The following DYNC1H1 variants were observed in gnomAD, a reference collection of about 807,000 sequenced individuals.
DYNC1H1 encodes the protein cytoplasmic dynein 1 heavy chain 1.
DYNC1H1 carries 51 observed loss-of-function variants against 527.1 expected under a neutral mutation model. The observed-to-expected ratio is 0.10, with a 90% CI of 0.08 to 0.12. DYNC1H1 has a LOEUF of 0.12. Among genes scored for constraint, DYNC1H1 ranks in the 10% least tolerant of loss-of-function variants. The pLI is 1.00. For synonymous variants in DYNC1H1, 2,189 were observed against 2,278.8 expected (o/e 0.96, Z 1.12); for missense variants, 2,771 against 5,971.8 (o/e 0.46, Z 17.66).
In DYNC1H1 at chr14:102,017,584, G is replaced by C. The variant is rs2048337955; in HGVS notation, c.8177+80G>C. The C allele has an allele frequency of 8.1e-6, 13 of 1,611,924 alleles. No homozygotes were observed. The highest frequency in any genetic ancestry group is 1.1e-5 in the Non-Finnish European group (13 of 1,178,348). Reference sequence around the variant, plus strand: ...TGTAAACACAGCGCCACAAAAACCTGGTTTTGATAATAAAGACAACAATAC... The same window carrying C: ...TGTAAACACAGCGCCACAAAAACCTCGTTTTGATAATAAAGACAACAATAC... On this transcript the variant is annotated intron_variant, in intron 40 of 77. Coordinates refer to ENST00000360184, the MANE Select transcript of DYNC1H1 (RefSeq NM_001376.5). The surrounding 1 kb of genome is among the most constrained non-coding windows in gnomAD (Gnocchi z 4.6).
chr14:102,013,938 A>G (rs1403382946), intron 34 of DYNC1H1, among the ~76,000 whole-genome samples: 1 of 152,164 alleles, frequency 6.6e-6, no homozygotes, highest in Non-Finnish European at 1.5e-5. Context: ...ATCAAGGATG[A>G]TGCGAGGTTT....
rs759852072 is a variant in DYNC1H1, at chr14:102,016,134, A to G, written c.7473+48A>G. ...ACAGAGCTCACCACTGCGCCAGACC[A>G]CAGGTCTGAGGACCTCTGAAATGCT... On this transcript the variant is annotated intron_variant, in intron 36 of 77. Coordinates refer to ENST00000360184, the MANE Select transcript of DYNC1H1 (RefSeq NM_001376.5). The surrounding 1 kb of genome is among the most constrained non-coding windows in gnomAD (Gnocchi z 7.3). The G allele has an allele frequency of 6.4e-7, 1 of 1,557,184 alleles. No homozygotes were observed. Among genetic ancestry groups the G allele is most frequent in the South Asian group, 1.2e-5 (1 of 85,830 alleles).
At chr14:102,034,217 T>C in intron 55 of DYNC1H1, 29 bp downstream of exon 55, 1 of 1,614,156 alleles carries the variant, frequency 6.2e-7, no homozygotes, top group Non-Finnish European at 8.5e-7. Flanking sequence ...TCAAAAAGGA[T>C]GTGCGAGCAG....
chr14:102,041,504 G>C lies in DYNC1H1; in HGVS notation c.11942-70G>C. 6.2e-7 allele frequency: 1 copy of C among 1,609,920 alleles called. No individual in the cohort carries two copies. Among genetic ancestry groups the C allele is most frequent in the Non-Finnish European group, 8.5e-7 (1 of 1,178,300 alleles). On this transcript the variant is annotated intron_variant, in intron 64 of 77. Transcript: ENST00000360184. The surrounding 1 kb of genome is among the most constrained non-coding windows in gnomAD (Gnocchi z 4.5). ...CTGAGTGGGTACTTTGGGAAGAACA[G>C]TCCAGGCAGGGGAGGGCGTCTCTGA...
chr14:101,988,624 C>T (rs995208028), intron 9 of DYNC1H1, 79 bp from the exon 10 acceptor site: 31 of 1,587,026 alleles, frequency 2.0e-5, no homozygotes, highest in Non-Finnish European at 2.4e-5. Context: ...ATCTGAAACA[C>T]CTACCACTTT....
rs912333787 is a variant in DYNC1H1 at position 102,029,104 on chromosome 14, C to T, written c.9469-435C>T. ...GCCATCTCCATTGCCCTTGGAATGT[C>T]GTCCAGCCCTGGCTTCCCCTGGTAG... is the stretch of plus-strand genomic sequence containing the variant. On this transcript the variant is annotated intron_variant, in intron 48 of 77. Coordinates refer to ENST00000360184, the MANE Select transcript of DYNC1H1 (RefSeq NM_001376.5). The surrounding 1 kb of genome is among the most constrained non-coding windows in gnomAD (Gnocchi z 5.3). 5 of 244,634 alleles carry T rather than the reference C, an allele frequency of 2.0e-5. No individual in the cohort carries two copies. Among genetic ancestry groups the T allele is most frequent in the African/African-American group, 9.1e-5 (4 of 44,058 alleles). The allele number at this position is 244,634 out of a possible 1,614,324, so 15.2% of individuals were successfully genotyped here. A position where few individuals can be genotyped will look rare whatever the true frequency, so the allele number is the denominator to read the frequency against.
chr14:102,040,254 A>G lies in DYNC1H1; in HGVS notation c.11709A>G (p.Ala3903=). ...KGTVGEPTYD[A]EFQHFLRGNE... ...TTCGCAGGGAGCCCACCTACGATGCAGAATTCCAGCACTTCTTGAGAGGAA... is the reference window on the plus strand; with the variant it reads ...TTCGCAGGGAGCCCACCTACGATGCGGAATTCCAGCACTTCTTGAGAGGAA... The change falls in exon 63 of 78, where the codon GCA becomes GCG. Residue 3903 remains alanine (A), a synonymous_variant. Transcript: ENST00000360184. 6.2e-7 allele frequency: 1 copy of G among 1,614,206 alleles called. No individual in the cohort carries two copies. The highest frequency in any genetic ancestry group is 1.1e-5 in the South Asian group (1 of 91,086).
rs940475874 is a variant in DYNC1H1 at position 102,016,217 on chromosome 14, A to G, written c.7473+131A>G. ...GAGGCAGAGCCTTCGTTGAGGGGCT[A>G]GGAAAGGTGCAGTGGGTGTCTGTGA... On this transcript the variant is annotated intron_variant, in intron 36 of 77. Transcript: ENST00000360184. This position sits in a 1 kb window ranked among gnomAD's most constrained non-coding sequence, Gnocchi z 7.3. 5 of 1,505,206 alleles carry G rather than the reference A, an allele frequency of 3.3e-6. No homozygotes were observed. The African/African-American group carries it at 5.6e-5, about 17-fold the overall frequency. The allele number at this position is 1,505,206 out of a possible 1,614,324, so 93.2% of individuals were successfully genotyped here. A position where few individuals can be genotyped will look rare whatever the true frequency, so the allele number is the denominator to read the frequency against.
In DYNC1H1 at chr14:101,971,085, C is replaced by CTTTTT. The variant is rs780745783; in HGVS notation, c.257-4601_257-4597dup. Among the ~76,000 whole-genome samples, 60 of 64,082 alleles carry CTTTTT rather than the reference C, an allele frequency of 9.4e-4. 1 individual carries two copies. Among genetic ancestry groups the CTTTTT allele is most frequent in the Non-Finnish European group, 1.4e-3 (48 of 34,642 alleles). 42.0% of individuals were successfully genotyped at this position (64,082 alleles called of 152,430 possible). A position where few individuals can be genotyped will look rare whatever the true frequency, so the allele number is the denominator to read the frequency against. ...CTACTCAGGAGAGGGCCGTATCATT[C>CTTTTT]TTTTTTTTTTTTTTTTTTTTTTTTT... On this transcript the variant is annotated intron_variant, in intron 1 of 77. Coordinates refer to ENST00000360184, the MANE Select transcript of DYNC1H1 (RefSeq NM_001376.5).
Position 102,040,218 on chromosome 14 carries a change from C to T in DYNC1H1, c.11691-18C>T. 6 of 1,614,056 alleles carry T rather than the reference C, an allele frequency of 3.7e-6. No individual in the cohort carries two copies. The highest frequency in any genetic ancestry group is 4.2e-6 in the Non-Finnish European group (5 of 1,180,006). ...GTGAACGTGAGAGACCCTAGCTAAC[C>T]TGTTGCACCCTTCGCAGGGAGCCCA... On this transcript the variant is annotated intron_variant, in intron 62 of 77. Coordinates refer to ENST00000360184, the MANE Select transcript of DYNC1H1 (RefSeq NM_001376.5).
chr14:102,013,562 C>T lies in DYNC1H1; in HGVS notation c.7014+1092C>T, dbSNP rs17512425. On this transcript the variant is annotated intron_variant, in intron 34 of 77. Coordinates refer to ENST00000360184, the MANE Select transcript of DYNC1H1 (RefSeq NM_001376.5). ...GACAGCAAGGGGCAGTCGGCTGAAG[C>T]GGAGAGGACTGGGGAGGACAAGTCA... 5.5e-3 allele frequency among the ~76,000 whole-genome samples: 836 copies of T among 151,950 alleles called. 16 individuals carry two copies. Among genetic ancestry groups the T allele is most frequent in the East Asian group, 0.037 (189 of 5,166 alleles).
intron 2 of DYNC1H1, among the ~76,000 whole-genome samples, chr14:101,977,726 G>A (rs1373961737): frequency 6.6e-6 from 1 of 152,162 alleles, no homozygotes; most frequent in Admixed American, 6.5e-5. Flanking sequence ...ACACTGACTT[G>A]TTTGACATTT....
Position 102,017,027 on chromosome 14 carries a change from A to G in DYNC1H1, c.7848+28A>G. ...AAAGAGGCCAGGAGGTGGGCAGCAG[A>G]CCTTTTGGTGCTGAGCATGGGGTTG... On this transcript the variant is annotated intron_variant, in intron 38 of 77. Transcript: ENST00000360184. The surrounding 1 kb of genome is among the most constrained non-coding windows in gnomAD (Gnocchi z 4.6). The G allele has an allele frequency of 6.2e-7, 1 of 1,614,158 alleles. No homozygotes were observed. Among genetic ancestry groups the G allele is most frequent in the Non-Finnish European group, 8.5e-7 (1 of 1,180,022 alleles).
Position 102,041,493 on chromosome 14 carries a change from T to C in DYNC1H1, c.11942-81T>C, listed in dbSNP as rs1422775777. The C allele has an allele frequency of 8.7e-6, 14 of 1,605,538 alleles. No individual in the cohort carries two copies. Among genetic ancestry groups the C allele is most frequent in the African/African-American group, 1.3e-5 (1 of 74,744 alleles). On this transcript the variant is annotated intron_variant, in intron 64 of 77. Coordinates refer to ENST00000360184, the MANE Select transcript of DYNC1H1 (RefSeq NM_001376.5). The surrounding 1 kb of genome is among the most constrained non-coding windows in gnomAD (Gnocchi z 4.5). ...CTGAGCATTTGCTGAGTGGGTACTTTGGGAAGAACAGTCCAGGCAGGGGAG... is the reference window on the plus strand; with the variant it reads ...CTGAGCATTTGCTGAGTGGGTACTTCGGGAAGAACAGTCCAGGCAGGGGAG...
chr14:101,965,613 T>C lies in DYNC1H1; in HGVS notation c.256+666T>C, dbSNP rs554476748. 3.3e-5 allele frequency among the ~76,000 whole-genome samples: 5 copies of C among 152,126 alleles called. No individual in the cohort carries two copies. Among genetic ancestry groups the C allele is most frequent in the Admixed American group, 3.3e-4 (5 of 15,274 alleles). ...TCACAGCATCCTTGCTGAACGGGTGTATCCTGATTTTACACCTGAGGAAAC... is the reference window on the plus strand; with the variant it reads ...TCACAGCATCCTTGCTGAACGGGTGCATCCTGATTTTACACCTGAGGAAAC... On this transcript the variant is annotated intron_variant, in intron 1 of 77. Transcript: ENST00000360184. The surrounding 1 kb of genome is among the most constrained non-coding windows in gnomAD (Gnocchi z 4.1).
Position 102,011,477 on chromosome 14 carries a change from T to C in DYNC1H1, c.6619-398T>C, listed in dbSNP as rs1246882501. On this transcript the variant is annotated intron_variant, in intron 32 of 77. Coordinates refer to ENST00000360184, the MANE Select transcript of DYNC1H1 (RefSeq NM_001376.5). This position sits in a 1 kb window ranked among gnomAD's most constrained non-coding sequence, Gnocchi z 5.3. ...GATGTGTCCTTGTTGAGGCTGCTCA[T>C]TGGTGTCTCCTGTCCCACTGGCTCC... The C allele has an allele frequency of 5.7e-6, 2 of 349,180 alleles. No individual in the cohort carries two copies. The highest frequency in any genetic ancestry group is 1.1e-5 in the Non-Finnish European group (2 of 180,538). 21.6% of individuals were successfully genotyped at this position (349,180 alleles called of 1,614,324 possible).
In DYNC1H1 at chr14:102,051,099, A is replaced by G. The variant is rs1054527860; in HGVS notation, c.*536A>G. On this transcript the variant is annotated 3_prime_UTR_variant, in exon 78 of 78. Transcript: ENST00000360184. ...GGCAACATAGTGAGACCCCGTCTCT[A>G]CAGGAAATTAAATCAGGTGTGGTGG... 15 of 211,502 alleles carry G rather than the reference A, an allele frequency of 7.1e-5. No homozygotes were observed. The highest frequency in any genetic ancestry group is 3.5e-4 in the African/African-American group (15 of 42,974). The allele number at this position is 211,502 out of a possible 1,614,324, so 13.1% of individuals were successfully genotyped here.
Position 101,988,656 on chromosome 14 carries a change from C to G in DYNC1H1, c.2719-47C>G, listed in dbSNP as rs200374771. 134 of 1,613,234 alleles carry G rather than the reference C, an allele frequency of 8.3e-5. No homozygotes were observed. In the Middle Eastern group the frequency reaches 9.9e-4, roughly 12 times the overall value. On this transcript the variant is annotated intron_variant, in intron 9 of 77. Coordinates refer to ENST00000360184, the MANE Select transcript of DYNC1H1 (RefSeq NM_001376.5). ...CTTTCTGATTGACTTGCTTTGTGAG[C>G]TAACTTTTAGAAGAAACACTGTTCT...
Position 102,042,263 on chromosome 14 carries a change from A to G in DYNC1H1, c.12250A>G (p.Ile4084Val), listed in dbSNP as rs992393537. Residue 4084 changes from isoleucine (I) to valine (V), a missense_variant, in exon 67 of 78, where the codon ATA becomes GTA. Around this residue, in one of 32 missense-constraint regions of DYNC1H1, gnomAD observed 195 missense variants for 428.6 expected, o/e 0.45. Transcript: ENST00000360184. This position sits in a 1 kb window ranked among gnomAD's most constrained non-coding sequence, Gnocchi z 5.7. ...AGGCTTTAACCAAGCAGATAAGGCA[A>G]TAAACACCGCTGTAAAGTCGGGCAG... Reference protein sequence around the residue: ...AEGFNQADKAINTAVKSGRWV... With the variant: ...AEGFNQADKAVNTAVKSGRWV... 1.2e-6 allele frequency: 2 copies of G among 1,613,964 alleles called. No individual in the cohort carries two copies. The highest frequency in any genetic ancestry group is 1.3e-5 in the African/African-American group (1 of 74,896).
Sources: gnomAD v4.1 joint callset for allele counts (sites outside exome capture counted in the v4.1 genomes callset) on GRCh38, gnomAD v4.1.1 for gene constraint, gnomAD v4.1.1 regional missense constraint, Gnocchi (gnomAD v3.1) non-coding constraint, MANE v1.5 for transcripts, NCBI Gene and HGNC (gene_info 2026-07-23, HGNC 2026-07-21) for gene names.